Variants in SRGAP2 observed in about 807,000 individuals in gnomAD.
The protein encoded by SRGAP2 is SLIT-ROBO Rho GTPase-activating protein 2.
Under a neutral mutation model 57.2 loss-of-function variants are expected in SRGAP2, and 15 were observed. The observed-to-expected ratio is 0.26, with a 90% confidence interval of 0.18 to 0.40. SRGAP2 has a LOEUF of 0.40. Among genes scored for constraint, SRGAP2 ranks in the 10% least tolerant of loss-of-function variants. SRGAP2 has a pLI of 1.00. For missense variants in SRGAP2, 520 were observed against 669.6 expected (o/e 0.78, Z 2.47); for synonymous variants, 249 against 248.0 (o/e 1.00, Z -0.04).
intron 17 of SRGAP2, among the ~76,000 whole-genome samples, chr1:206,441,565 GGTT>G: frequency 6.6e-6 from 1 of 152,324 alleles, no homozygotes; most frequent in East Asian, 1.9e-4. Context: ...CTAGACCAAA[GGTT>G]ATAAATGGGC....
chr1:206,307,451 C>T (rs1200851803), intron 3 of SRGAP2, among the ~76,000 whole-genome samples: 3 of 152,216 alleles, frequency 2.0e-5, no homozygotes, highest in African/African-American at 7.2e-5. Context: ...GCTGTGCGCT[C>T]GCATTCCTCA....
rs1213544129 is a variant in SRGAP2, at chr1:206,348,187, T to C, written c.423+5179T>C. On this transcript the variant is annotated intron_variant, in intron 4 of 22. Transcript: ENST00000573034. ...ATAACATCTGGAGAAAGTAGCCTCC[T>C]GTTCACAGCTTAAAAACAGACTGAC... 4.6e-5 allele frequency among the ~76,000 whole-genome samples: 7 copies of C among 151,180 alleles called. No individual in the cohort carries two copies. In the East Asian group the frequency reaches 1.4e-3, roughly 29 times the overall value.
chr1:206,307,585 C>T (rs1290678313), intron 3 of SRGAP2, among the ~76,000 whole-genome samples: 2,035 of 145,014 alleles, frequency 0.014, 21 homozygotes, highest in Middle Eastern at 0.033. Flanking sequence ...CTGCAGGTCC[C>T]GAGCCCTGCC....
chr1:206,381,139 C>A (rs1419289643), intron 4 of SRGAP2, among the ~76,000 whole-genome samples: 1 of 152,224 alleles, frequency 6.6e-6, no homozygotes, highest in African/African-American at 2.4e-5. Flanking sequence ...GTCCTCCCAA[C>A]TAATCAGTAC....
intron 3 of SRGAP2, among the ~76,000 whole-genome samples, chr1:206,319,352 A>G (rs1304435897): frequency 2.6e-5 from 4 of 151,496 alleles, no homozygotes; most frequent in African/African-American, 9.8e-5. Flanking sequence ...CGGAGCTTTC[A>G]GTGAGCCGAG....
rs1469059763 is a variant in SRGAP2 at position 206,463,443 on chromosome 1, A to T, written c.*2023A>T. ...AAAATGAAACCCTATCTTTCACTTT[A>T]CATTCCTTTCAATCCAACTGATCAA... On this transcript the variant is annotated 3_prime_UTR_variant, in exon 23 of 23. Coordinates refer to ENST00000573034, the MANE Select transcript of SRGAP2 (RefSeq NM_015326.5). 6.6e-6 allele frequency: 1 copy of T among 152,626 alleles called. No individual in the cohort carries two copies. The allele number at this position is 152,626 out of a possible 1,614,324, so 9.5% of individuals were successfully genotyped here.
intron 2 of SRGAP2, among the ~76,000 whole-genome samples, chr1:206,210,668 G>C (rs1553302285): frequency 3.4e-5 from 5 of 148,432 alleles, no homozygotes; most frequent in Non-Finnish European, 5.9e-5. Flanking sequence ...GGAGGTCTGA[G>C]CAGTTTTTCA....
At chr1:206,208,720 T>A (rs1267736524) in intron 2 of SRGAP2, among the ~76,000 whole-genome samples, 1 of 152,084 alleles carries the variant, frequency 6.6e-6, no homozygotes, top group African/African-American at 2.4e-5. Flanking sequence ...GAGTGTCAGC[T>A]TTTTGTGTGT....
intron 14 of SRGAP2, among the ~76,000 whole-genome samples, chr1:206,434,554 G>A (rs994945320): frequency 2.6e-5 from 4 of 152,116 alleles, no homozygotes; most frequent in Non-Finnish European, 5.9e-5. Flanking sequence ...GTAAGGATTC[G>A]CCTGCATTAT....
At chr1:206,256,187 C>T (rs1243328330) in intron 2 of SRGAP2, among the ~76,000 whole-genome samples, 3 of 151,682 alleles carry the variant, frequency 2.0e-5, no homozygotes, top group African/African-American at 7.3e-5. Context: ...GTAAAGGTAA[C>T]AGAATGACTC....
rs1362733264 is a variant in SRGAP2 at position 206,234,844 on chromosome 1, G to T, written c.67+28807G>T. 1.9e-4 allele frequency among the ~76,000 whole-genome samples: 29 copies of T among 151,936 alleles called. 1 individual carries two copies. Among genetic ancestry groups the T allele is most frequent in the African/African-American group, 6.5e-4 (27 of 41,466 alleles). ...GTTAGGTTTCCAAAGGTCCATGAAG[G>T]TTTTATTCGTTTTCGTGCCCCAAGA... On this transcript the variant is annotated intron_variant, in intron 2 of 22. Transcript: ENST00000573034.
intron 14 of SRGAP2, among the ~76,000 whole-genome samples, chr1:206,435,738 C>T (rs1293370094): frequency 1.3e-5 from 2 of 152,226 alleles, no homozygotes; most frequent in Non-Finnish European, 2.9e-5. Flanking sequence ...CATCAATCCC[C>T]TCATCCAGAG....
intron 3 of SRGAP2, among the ~76,000 whole-genome samples, chr1:206,312,700 C>A (rs201280188): frequency 6.6e-6 from 1 of 151,696 alleles, no homozygotes; most frequent in African/African-American, 2.4e-5. Context: ...AACATGGCTT[C>A]CCCCATCCCT....
rs201177139 is a variant in SRGAP2, at chr1:206,345,740, C to T, written c.423+2732C>T. Reference sequence around the variant, plus strand: ...CCAGGTGTTTGAGGATGCAGTGAGCCGTGATCATGCCACTGCACTCCAGCC... The same window carrying T: ...CCAGGTGTTTGAGGATGCAGTGAGCTGTGATCATGCCACTGCACTCCAGCC... On this transcript the variant is annotated intron_variant, in intron 4 of 22. Coordinates refer to ENST00000573034, the MANE Select transcript of SRGAP2 (RefSeq NM_015326.5). Among the ~76,000 whole-genome samples, 21 of 151,284 alleles carry T rather than the reference C, an allele frequency of 1.4e-4. No individual in the cohort carries two copies. The East Asian group carries it at 3.7e-3, about 27-fold the overall frequency.
intron 4 of SRGAP2, among the ~76,000 whole-genome samples, chr1:206,374,016 A>ATTT (rs1654971441): frequency 9.1e-6 from 1 of 110,276 alleles, no homozygotes; most frequent in African/African-American, 4.1e-5. Flanking sequence ...GTAGATACAC[A>ATTT]TTCTTTTTTT....
chr1:206,442,609 G>A (rs1662407765), intron 17 of SRGAP2, among the ~76,000 whole-genome samples: 2 of 152,154 alleles, frequency 1.3e-5, no homozygotes, highest in Admixed American at 1.3e-4. Context: ...CATAGGAATT[G>A]CACCAATTCA....
chr1:206,267,211 G>T (rs1439281352), intron 2 of SRGAP2, among the ~76,000 whole-genome samples: 1 of 151,958 alleles, frequency 6.6e-6, no homozygotes, highest in African/African-American at 2.4e-5. Context: ...CTCGTGATCC[G>T]CCTGCCTCTG....
At chr1:206,425,531 G>T (rs563910794) in intron 13 of SRGAP2, among the ~76,000 whole-genome samples, 1,919 of 149,984 alleles carry the variant, frequency 0.013, 23 homozygotes, top group South Asian at 0.027. Context: ...CTTTTTTTTT[G>T]TTTTGTTTTG....
intron 2 of SRGAP2, among the ~76,000 whole-genome samples, chr1:206,230,444 G>A (rs1667558466): frequency 7.2e-6 from 1 of 138,826 alleles, no homozygotes; most frequent in African/African-American, 2.8e-5. Flanking sequence ...TGGTACCAGA[G>A]GGCCCTACAC....
Sources: allele counts gnomAD v4.1 joint callset (sites outside exome capture counted in the v4.1 genomes callset), GRCh38; gene constraint gnomAD v4.1.1; transcripts MANE v1.5; gene names NCBI Gene and HGNC (gene_info 2026-07-23, HGNC 2026-07-21).